Variants in GRHL2 observed in about 807,000 individuals in gnomAD.
GRHL2 encodes grainyhead like transcription factor 2, also known as grainyhead-like protein 2 homolog.
A neutral mutation model predicts 83.8 loss-of-function variants in GRHL2; 21 were observed. The observed-to-expected ratio is 0.25, with a 90% CI of 0.18 to 0.36. GRHL2 has a LOEUF of 0.36. Among genes scored for constraint, GRHL2 ranks in the 10% least tolerant of loss-of-function variants. GRHL2 has a pLI of 1.00. For missense variants in GRHL2, 623 were observed against 781.8 expected, an observed-to-expected ratio of 0.80 and a Z score of 2.42; for synonymous variants, 280 against 278.9, an observed-to-expected ratio of 1.00 and a Z score of -0.04.
At chr8:101,556,117 C>T (rs1811484267) in intron 3 of GRHL2, among the ~76,000 whole-genome samples, 2 of 152,168 alleles carry the variant, frequency 1.3e-5, no homozygotes, top group South Asian at 4.1e-4. Context: ...GCCACCACGC[C>T]TGGCTAATTT....
intron 14 of GRHL2, among the ~76,000 whole-genome samples, chr8:101,661,749 G>A (rs1813927389): frequency 6.6e-6 from 1 of 152,180 alleles, no homozygotes; most frequent in African/African-American, 2.4e-5. Flanking sequence ...ACCCTGATAA[G>A]TGAGAGATAG....
At chr8:101,663,831 G>A (rs986951541) in intron 14 of GRHL2, among the ~76,000 whole-genome samples, 60 of 151,382 alleles carry the variant, frequency 4.0e-4, no homozygotes, top group African/African-American at 1.5e-3. Flanking sequence ...TTTAACTTAA[G>A]GAAGTTAGTT....
chr8:101,563,991 G>A (rs1422513631), intron 4 of GRHL2, among the ~76,000 whole-genome samples: 1 of 152,158 alleles, frequency 6.6e-6, no homozygotes, highest in African/African-American at 2.4e-5. Context: ...ATGCTATTTG[G>A]GGGATGTGTT....
chr8:101,633,965 G>A (rs1305007493), intron 11 of GRHL2, among the ~76,000 whole-genome samples: 1 of 152,210 alleles, frequency 6.6e-6, no homozygotes, highest in African/African-American at 2.4e-5. Flanking sequence ...AAATTAATCT[G>A]AAGAGGAAAA....
chr8:101,529,851 C>T (rs1002402822), intron 1 of GRHL2, among the ~76,000 whole-genome samples: 2 of 152,106 alleles, frequency 1.3e-5, no homozygotes, highest in Non-Finnish European at 2.9e-5. Flanking sequence ...CTGGAGGGTC[C>T]TTTGTATATA....
chr8:101,556,585 A>G, intron 3 of GRHL2, among the ~76,000 whole-genome samples: 1 of 152,186 alleles, frequency 6.6e-6, no homozygotes, highest in East Asian at 1.9e-4. Flanking sequence ...GCAAGAATTA[A>G]TATTCTACAT....
intron 4 of GRHL2, among the ~76,000 whole-genome samples, chr8:101,564,882 C>A (rs1811685341): frequency 6.6e-6 from 1 of 150,738 alleles, no homozygotes; most frequent in South Asian, 2.1e-4. Flanking sequence ...TATTCCACAT[C>A]CTCTTTGTAA....
chr8:101,603,540 A>G (rs1411525946), intron 8 of GRHL2, among the ~76,000 whole-genome samples: 1 of 152,226 alleles, frequency 6.6e-6, no homozygotes, highest in Non-Finnish European at 1.5e-5. Context: ...TAATTAAATT[A>G]TAGGAAAACG....
chr8:101,632,952 C>T (rs1813216991), intron 11 of GRHL2, among the ~76,000 whole-genome samples: 1 of 152,140 alleles, frequency 6.6e-6, no homozygotes, highest in African/African-American at 2.4e-5. Context: ...ATAATTAACT[C>T]ATTATGGTAG....
intron 8 of GRHL2, among the ~76,000 whole-genome samples, chr8:101,611,574 T>G (rs1812750417): frequency 6.6e-6 from 1 of 150,752 alleles, no homozygotes; most frequent in Admixed American, 6.6e-5. Flanking sequence ...ATCACCTTCC[T>G]CTCCTCCCTT....
intron 8 of GRHL2, among the ~76,000 whole-genome samples, chr8:101,608,864 A>G (rs539667619): frequency 1.3e-5 from 2 of 150,026 alleles, no homozygotes; most frequent in Non-Finnish European, 2.9e-5. Flanking sequence ...CGTGGCATGT[A>G]GGGTGTGTCT....
At position 101,668,441 on chromosome 8, in the gene GRHL2, G is replaced by GGAATT. The variant is rs1193603596; in HGVS notation, c.*1748_*1752dup. The GGAATT allele has an allele frequency of 6.5e-6, 1 of 152,794 alleles. No homozygotes were observed. Among genetic ancestry groups the GGAATT allele is most frequent in the Admixed American group, 6.5e-5 (1 of 15,280 alleles). 9.5% of individuals were successfully genotyped at this position (152,794 alleles called of 1,614,324 possible). A position where few individuals can be genotyped will look rare whatever the true frequency, so the allele number is the denominator to read the frequency against. ...AGCTGTTTCTCCTTGAGGTTGCGGA[G>GGAATT]GAATTGAATTGAATGGGACAGAGGG... On this transcript the variant is annotated 3_prime_UTR_variant, in exon 16 of 16. Transcript: ENST00000646743.
intron 1 of GRHL2, among the ~76,000 whole-genome samples, chr8:101,494,100 C>T (rs1810041909): frequency 2.0e-5 from 3 of 152,110 alleles, no homozygotes; most frequent in South Asian, 4.1e-4. Flanking sequence ...CGTGGCGTTG[C>T]GGCCACCCCG....
At chr8:101,528,855 A>T (rs935515606) in intron 1 of GRHL2, 24 of 350,516 alleles carry the variant, frequency 6.8e-5, no homozygotes, top group African/African-American at 4.6e-4. Context: ...CCTTTAGCTT[A>T]TCCAGGTTCA....
Position 101,578,004 on chromosome 8 carries a change from C to T in GRHL2, c.1003+485C>T, listed in dbSNP as rs10481098. On this transcript the variant is annotated intron_variant, in intron 7 of 15. Transcript: ENST00000646743. ...TAGTGTAAGCAATGCTAGGTGGTCA[C>T]GCAAGTGAACCATTTAAAGAAGGAG... is the stretch of plus-strand genomic sequence containing the variant. Among the ~76,000 whole-genome samples, 1,306 of 152,236 alleles carry T rather than the reference C, an allele frequency of 8.6e-3. 12 individuals carry two copies. Among genetic ancestry groups the T allele is most frequent in the African/African-American group, 0.028 (1,165 of 41,540 alleles).
chr8:101,643,110 T>C (rs1230000830), intron 12 of GRHL2, among the ~76,000 whole-genome samples: 2 of 152,086 alleles, frequency 1.3e-5, no homozygotes, highest in African/African-American at 4.8e-5. Flanking sequence ...ATCCTGAATA[T>C]TGAAATCTCA....
At chr8:101,615,466 G>T (rs1443096432) in intron 8 of GRHL2, among the ~76,000 whole-genome samples, 1 of 152,104 alleles carries the variant, frequency 6.6e-6, no homozygotes, top group Non-Finnish European at 1.5e-5. Context: ...TTCTCCTCTG[G>T]CTCCTGTAGT....
At chr8:101,623,701 ACACAGTAGG>A in intron 9 of GRHL2, among the ~76,000 whole-genome samples, 1 of 152,030 alleles carries the variant, frequency 6.6e-6, no homozygotes, top group African/African-American at 2.4e-5. Context: ...GTAGGACAGA[ACACAGTAGG>A]ACAGTTTACA....
At chr8:101,593,849 T>G (rs963004775) in intron 7 of GRHL2, among the ~76,000 whole-genome samples, 1 of 151,788 alleles carries the variant, frequency 6.6e-6, no homozygotes, top group South Asian at 2.1e-4. Flanking sequence ...GTGGATCACC[T>G]GAGGTCAGGA....
Sources: gnomAD v4.1 joint callset for allele counts (sites outside exome capture counted in the v4.1 genomes callset) on GRCh38, gnomAD v4.1.1 for gene constraint, MANE v1.5 for transcripts, NCBI Gene and HGNC (gene_info 2026-07-23, HGNC 2026-07-21) for gene names.